RORA: variants seen among roughly 807,000 people sequenced by gnomAD.
RORA encodes RAR related orphan receptor A, also known as nuclear receptor ROR-alpha.
Under a neutral mutation model 69.5 loss-of-function variants are expected in RORA, and 7 were observed. The ratio of observed to expected loss-of-function variants is 0.10; its 90% CI spans 0.06 to 0.19. The LOEUF is 0.19. Ranked by LOEUF, RORA falls within the 10% of genes least tolerant of loss-of-function variation. RORA has a pLI of 1.00. For missense variants in RORA, 457 were observed against 663.0 expected (o/e 0.69, Z 3.41); for synonymous variants, 261 against 240.8 (o/e 1.08, Z -0.78).
chr15:61,128,610 T>C lies in RORA; in HGVS notation c.166+100443A>G, dbSNP rs919681137. ...ATCGATGTTGTCACATATATTCCCATGGTTTTTCCAGCTTTACGGAAGGGT... is the reference window on the plus strand; with the variant it reads ...ATCGATGTTGTCACATATATTCCCACGGTTTTTCCAGCTTTACGGAAGGGT... On this transcript the variant is annotated intron_variant, in intron 1 of 10. Transcript: ENST00000335670. The surrounding 1 kb of genome is among the most constrained non-coding windows in gnomAD (Gnocchi z 4.5). 1.3e-5 allele frequency among the ~76,000 whole-genome samples: 2 copies of C among 152,208 alleles called. No individual in the cohort carries two copies. Among genetic ancestry groups the C allele is most frequent in the East Asian group, 3.8e-4 (2 of 5,198 alleles).
intron 1 of RORA, among the ~76,000 whole-genome samples, chr15:61,152,014 G>C (rs2079402285): frequency 6.6e-6 from 1 of 152,176 alleles, no homozygotes; most frequent in Non-Finnish European, 1.5e-5. Context: ...GTCAGTCAGA[G>C]TAGTTTGGGA....
At chr15:61,114,873 A>G (rs1048840668) in intron 1 of RORA, among the ~76,000 whole-genome samples, 2 of 152,234 alleles carry the variant, frequency 1.3e-5, no homozygotes, top group African/African-American at 4.8e-5. Context: ...CAGACGGTAT[A>G]AGAGTCCATT....
At chr15:60,813,814 T>C (rs1345425397) in intron 1 of RORA, among the ~76,000 whole-genome samples, 4 of 152,210 alleles carry the variant, frequency 2.6e-5, no homozygotes, top group African/African-American at 7.2e-5. Flanking sequence ...AATAGCATAA[T>C]TATCATAATT....
At chr15:60,529,675 C>T (rs146216908) in intron 3 of RORA, 4 of 152,068 alleles carry the variant, frequency 2.6e-5, no homozygotes, top group Admixed American at 6.5e-5. Context: ...GTTTTCTTAT[C>T]GCTTTTATTT....
At position 61,218,423 on chromosome 15, in the gene RORA, G is replaced by A. The variant is rs147723923; in HGVS notation, c.166+10630C>T. ...ATCCTGAAACACTGAGATGTTCTGT[G>A]TAACATACTAAGTTCAGAATCAGTT... On this transcript the variant is annotated intron_variant, in intron 1 of 10. Transcript: ENST00000335670. Among the ~76,000 whole-genome samples the A allele has an allele frequency of 2.2e-3, 331 of 152,168 alleles. 3 individuals carry two copies. The highest frequency in any genetic ancestry group is 6.6e-3 in the African/African-American group (273 of 41,478).
intron 1 of RORA, among the ~76,000 whole-genome samples, chr15:61,015,901 T>C (rs796852129): frequency 2.2e-4 from 34 of 152,316 alleles, no homozygotes; most frequent in African/African-American, 8.2e-4. Context: ...TCAGAATTCC[T>C]CCAGGGGTCT....
intron 1 of RORA, among the ~76,000 whole-genome samples, chr15:60,847,154 T>C (rs2073275204): frequency 6.6e-6 from 1 of 152,172 alleles, no homozygotes; most frequent in Non-Finnish European, 1.5e-5. Flanking sequence ...TTCAGTAATA[T>C]TAGTATAATG....
At chr15:60,757,130 G>T (rs1047794927) in intron 1 of RORA, among the ~76,000 whole-genome samples, 6 of 152,158 alleles carry the variant, frequency 3.9e-5, no homozygotes, top group African/African-American at 7.2e-5. Flanking sequence ...TGAAATGAGT[G>T]CATAAGTTTA....
chr15:60,919,759 T>G (rs1024267418), intron 1 of RORA, among the ~76,000 whole-genome samples: 2 of 152,164 alleles, frequency 1.3e-5, no homozygotes, highest in Non-Finnish European at 2.9e-5. Context: ...TTTCCTTAGG[T>G]AGGAGTTTTC....
chr15:60,588,697 AC>A (rs1218037717), intron 2 of RORA, among the ~76,000 whole-genome samples: 2 of 152,222 alleles, frequency 1.3e-5, no homozygotes, highest in Non-Finnish European at 2.9e-5. Flanking sequence ...TGTATCTACT[AC>A]ATATTAAAGA....
chr15:60,786,442 G>C (rs2072335132), intron 1 of RORA, among the ~76,000 whole-genome samples: 1 of 152,242 alleles, frequency 6.6e-6, no homozygotes, highest in Non-Finnish European at 1.5e-5. Flanking sequence ...CACGATGGAA[G>C]CTACTCTCTT....
At chr15:61,167,179 C>A (rs142755283) in intron 1 of RORA, among the ~76,000 whole-genome samples, 1 of 152,166 alleles carries the variant, frequency 6.6e-6, no homozygotes, top group Admixed American at 6.5e-5. Context: ...ACTCTTCACT[C>A]GGTACTCAGC....
intron 2 of RORA, among the ~76,000 whole-genome samples, chr15:60,577,071 G>C (rs1166245119): frequency 6.6e-6 from 1 of 152,158 alleles, no homozygotes; most frequent in Non-Finnish European, 1.5e-5. Flanking sequence ...AAAAATCTCT[G>C]AAAATAGAAT....
At chr15:60,753,536 T>C (rs1429507978) in intron 1 of RORA, among the ~76,000 whole-genome samples, 1 of 152,256 alleles carries the variant, frequency 6.6e-6, no homozygotes, top group Admixed American at 6.5e-5. Flanking sequence ...TTATCACATG[T>C]GAATTTCACA....
intron 1 of RORA, among the ~76,000 whole-genome samples, chr15:60,679,758 T>G (rs576068659): frequency 6.6e-6 from 1 of 152,302 alleles, no homozygotes; most frequent in East Asian, 1.9e-4. Context: ...ACGGCAGACA[T>G]TTTTTAAAAA....
intron 1 of RORA, among the ~76,000 whole-genome samples, chr15:61,156,897 T>A (rs2079448994): frequency 6.6e-6 from 1 of 152,208 alleles, no homozygotes; most frequent in African/African-American, 2.4e-5. Context: ...ATACCATCTA[T>A]CTTTTGTAAT....
chr15:60,834,789 C>T (rs116506927), intron 1 of RORA, among the ~76,000 whole-genome samples: 145 of 152,280 alleles, frequency 9.5e-4, no homozygotes, highest in African/African-American at 3.3e-3. Context: ...AGCGACCCCT[C>T]GACAATGCTG....
intron 1 of RORA, among the ~76,000 whole-genome samples, chr15:60,888,373 G>A (rs750923283): frequency 5.3e-5 from 8 of 152,200 alleles, no homozygotes; most frequent in Non-Finnish European, 7.3e-5. Context: ...TTTCTACCAC[G>A]TTCTTTCAGT....
intron 1 of RORA, among the ~76,000 whole-genome samples, chr15:60,958,650 T>C (rs570989453): frequency 3.3e-5 from 5 of 152,218 alleles, no homozygotes; most frequent in South Asian, 2.1e-4. Context: ...TTAGCAACCA[T>C]TGTTGTGAAT....
Sources: gnomAD v4.1 joint callset for allele counts (sites outside exome capture counted in the v4.1 genomes callset) on GRCh38, gnomAD v4.1.1 for gene constraint, Gnocchi (gnomAD v3.1) non-coding constraint, MANE v1.5 for transcripts, NCBI Gene and HGNC (gene_info 2026-07-23, HGNC 2026-07-21) for gene names.